ADAMTSL1: variants seen among roughly 807,000 people sequenced by gnomAD.
ADAMTSL1 encodes the protein ADAMTS-like protein 1.
In ADAMTSL1, 126 loss-of-function variants were observed where a neutral mutation model predicts 201.8. The ratio of observed to expected loss-of-function variants is 0.62; its 90% confidence interval spans 0.54 to 0.72. ADAMTSL1 has a LOEUF of 0.72. Ranked by LOEUF, ADAMTSL1 falls within the 30% of genes least tolerant of loss-of-function variation. ADAMTSL1 has a pLI of 0.00. For synonymous variants in ADAMTSL1, 1,121 were observed against 903.4 expected (o/e 1.24, Z -4.32); for missense variants, 2,679 against 2,277.8 (o/e 1.18, Z -3.59).
intron 1 of ADAMTSL1, among the ~76,000 whole-genome samples, chr9:17,934,631 T>A (rs1826928741): frequency 6.6e-6 from 1 of 152,192 alleles, no homozygotes; most frequent in Non-Finnish European, 1.5e-5. Flanking sequence ...GTAGCTTTTC[T>A]TTCATCAGAC....
chr9:17,935,592 C>A (rs187691082), intron 1 of ADAMTSL1, among the ~76,000 whole-genome samples: 1 of 152,136 alleles, frequency 6.6e-6, no homozygotes, highest in Admixed American at 6.6e-5. Flanking sequence ...AAGCCATTGC[C>A]AATGATCATT....
intron 2 of ADAMTSL1, among the ~76,000 whole-genome samples, chr9:18,275,649 A>G (rs1260499540): frequency 2.6e-5 from 4 of 152,152 alleles, no homozygotes; most frequent in Non-Finnish European, 4.4e-5. Flanking sequence ...TTCACATAGC[A>G]TGTTTTTGAG....
At chr9:17,984,470 G>A (rs1329936) in intron 1 of ADAMTSL1, among the ~76,000 whole-genome samples, 122,745 of 152,014 alleles carry the variant, frequency 0.81, 49,889 homozygotes, top group East Asian at 0.92. Context: ...AATTTTAACT[G>A]TAAGGATTGT....
chr9:18,377,309 G>C (rs1264297113), intron 2 of ADAMTSL1, among the ~76,000 whole-genome samples: 1 of 152,216 alleles, frequency 6.6e-6, no homozygotes, highest in Admixed American at 6.5e-5. Context: ...GCATAGAATA[G>C]TGTCTGGCTA....
chr9:18,515,466 C>A (rs1431828659), intron 2 of ADAMTSL1, among the ~76,000 whole-genome samples: 1 of 152,106 alleles, frequency 6.6e-6, no homozygotes, highest in Non-Finnish European at 1.5e-5. Context: ...TCCCGAGTAG[C>A]TGGGACGACA....
intron 9 of ADAMTSL1, among the ~76,000 whole-genome samples, chr9:18,669,120 C>G (rs1829649159): frequency 1.3e-5 from 2 of 152,226 alleles, no homozygotes; most frequent in South Asian, 4.1e-4. Flanking sequence ...TAGAACAGCA[C>G]AGCCAGCACA....
At chr9:18,256,487 T>C (rs1831692395) in intron 2 of ADAMTSL1, among the ~76,000 whole-genome samples, 1 of 152,144 alleles carries the variant, frequency 6.6e-6, no homozygotes. Context: ...CTTGCAAAAG[T>C]CATTGTGAAC....
chr9:17,943,831 G>T (rs988658238), intron 1 of ADAMTSL1, among the ~76,000 whole-genome samples: 2 of 151,942 alleles, frequency 1.3e-5, no homozygotes, highest in Non-Finnish European at 2.9e-5. Flanking sequence ...TATACAGAAA[G>T]CATGGTGCAG....
At chr9:18,840,370 A>G (rs147260605) in intron 23 of ADAMTSL1, among the ~76,000 whole-genome samples, 6 of 151,466 alleles carry the variant, frequency 4.0e-5, no homozygotes, top group Admixed American at 6.6e-5. Context: ...ATTTCTGAGG[A>G]CTCTGTTCTG....
At chr9:18,135,399 T>TA (rs542871779) in intron 1 of ADAMTSL1, among the ~76,000 whole-genome samples, 2 of 152,232 alleles carry the variant, frequency 1.3e-5, no homozygotes, top group South Asian at 2.1e-4. Context: ...GTAAAATGCT[T>TA]AAAAAAATAT....
At chr9:18,718,578 G>A (rs530516722) in intron 14 of ADAMTSL1, 6 of 432,844 alleles carry the variant, frequency 1.4e-5, no homozygotes, top group East Asian at 5.8e-5. Flanking sequence ...CCGGGTTCCC[G>A]CAGCCAGTGT....
intron 7 of ADAMTSL1, chr9:18,651,191 T>G (rs1169181884): frequency 6.6e-6 from 1 of 152,188 alleles, no homozygotes; most frequent in Non-Finnish European, 1.5e-5. Context: ...GTACATTAAT[T>G]ATTAGAGATG....
At chr9:18,669,333 A>G (rs776769) in intron 9 of ADAMTSL1, among the ~76,000 whole-genome samples, 4,108 of 152,370 alleles carry the variant, frequency 0.027, 130 homozygotes, top group African/African-American at 0.072. Context: ...AATTACATTC[A>G]TTAATACCAA....
Position 18,574,048 on chromosome 9 carries a change from G to T in ADAMTSL1, c.256G>T (p.Gly86Cys). 6.2e-7 allele frequency: 1 copy of T among 1,613,608 alleles called. No homozygotes were observed. ...CSNVDCPPEAGDFRAQQCSAH... is the reference protein window; with the variant it reads ...CSNVDCPPEACDFRAQQCSAH... Reference sequence around the variant, plus strand: ...TCTCCAGGACTGCCCACCAGAAGCAGGTGATTTCCGAGCTCAGCAATGCTC... The same window carrying T: ...TCTCCAGGACTGCCCACCAGAAGCATGTGATTTCCGAGCTCAGCAATGCTC... The change falls in exon 4 of 29, where the codon GGT becomes TGT. Residue 86 changes from glycine to cysteine, a missense_variant. By Grantham distance (159) the Gly-to-Cys change is radical. Coordinates refer to ENST00000380548, the MANE Select transcript of ADAMTSL1 (RefSeq NM_001040272.6).
At position 18,885,732 on chromosome 9, in the gene ADAMTSL1, C is replaced by A. The variant is rs1397807364; in HGVS notation, c.4250-2099C>A. Reference sequence around the variant, plus strand: ...GTCTGCTCCTACCCTCTCACTACTACCTCAGGAAAAACAAAAATGAAGGGG... The same window carrying A: ...GTCTGCTCCTACCCTCTCACTACTAACTCAGGAAAAACAAAAATGAAGGGG... On this transcript the variant is annotated intron_variant, in intron 23 of 28. Transcript: ENST00000380548. Among the ~76,000 whole-genome samples, 3 of 151,974 alleles carry A rather than the reference C, an allele frequency of 2.0e-5. No homozygotes were observed. The East Asian group carries it at 5.8e-4, about 29-fold the overall frequency.
chr9:18,538,413 A>G (rs767534144), intron 3 of ADAMTSL1, among the ~76,000 whole-genome samples: 5 of 152,164 alleles, frequency 3.3e-5, no homozygotes, highest in Non-Finnish European at 7.3e-5. Context: ...TTCTACACTC[A>G]AACAGTGAGA....
intron 1 of ADAMTSL1, among the ~76,000 whole-genome samples, chr9:18,058,497 C>T (rs1281610043): frequency 6.6e-6 from 1 of 152,062 alleles, no homozygotes; most frequent in East Asian, 1.9e-4. Context: ...TTCAGAATAT[C>T]ATGCACCAAT....
At chr9:17,978,466 T>A (rs191296008) in intron 1 of ADAMTSL1, among the ~76,000 whole-genome samples, 5 of 152,172 alleles carry the variant, frequency 3.3e-5, no homozygotes, top group Admixed American at 2.0e-4. Context: ...TTGTTATGGG[T>A]TTTTGCTTTG....
intron 1 of ADAMTSL1, among the ~76,000 whole-genome samples, chr9:17,931,387 T>A (rs116224200): frequency 0.026 from 3,937 of 152,252 alleles, 163 homozygotes; most frequent in African/African-American, 0.09. Context: ...ATTGAGGAGC[T>A]TTCGAGATTT....
Sources: allele counts gnomAD v4.1 joint callset (sites outside exome capture counted in the v4.1 genomes callset), GRCh38; gene constraint gnomAD v4.1.1; transcripts MANE v1.5; gene names NCBI Gene and HGNC (gene_info 2026-07-23, HGNC 2026-07-21).